Variants in SDC4 observed in about 807,000 individuals in gnomAD.
The protein encoded by SDC4 is syndecan-4.
SDC4 carries 17 observed loss-of-function variants against 20.5 expected under a neutral mutation model. The observed-to-expected ratio is 0.83, with a 90% CI of 0.57 to 1.25. The LOEUF is 1.25. Among genes scored for constraint, SDC4 ranks in the 50% most tolerant of loss-of-function variants. SDC4 has a pLI of 0.00. For synonymous variants in SDC4, 107 were observed against 105.3 expected, an observed-to-expected ratio of 1.02 and a Z score of -0.10; for missense variants, 241 against 252.3, an observed-to-expected ratio of 0.96 and a Z score of 0.30.
chr20:45,338,369 G>T (rs1047719713), intron 1 of SDC4, among the ~76,000 whole-genome samples: 1 of 147,612 alleles, frequency 6.8e-6, no homozygotes, highest in Non-Finnish European at 1.5e-5. Context: ...TTAAGTAGGG[G>T]GGTCAATCTA....
intron 1 of SDC4, among the ~76,000 whole-genome samples, chr20:45,342,981 T>A (rs959448499): frequency 1.3e-5 from 2 of 152,210 alleles, no homozygotes; most frequent in Admixed American, 6.5e-5. Context: ...AGGTGTTTTA[T>A]AGAGGACACT....
At chr20:45,328,701 G>C (rs1297978995) in intron 4 of SDC4, among the ~76,000 whole-genome samples, 2 of 152,018 alleles carry the variant, frequency 1.3e-5, no homozygotes, top group Admixed American at 1.3e-4. Flanking sequence ...GGTCTTACTC[G>C]GGCTAAGAAG....
At chr20:45,328,205 C>T (rs1222583145) in intron 4 of SDC4, among the ~76,000 whole-genome samples, 1 of 152,164 alleles carries the variant, frequency 6.6e-6, no homozygotes, top group Non-Finnish European at 1.5e-5. Context: ...ATACTAATTC[C>T]AAACTCTTAT....
At chr20:45,343,620 T>C (rs1360554275) in intron 1 of SDC4, among the ~76,000 whole-genome samples, 3 of 152,090 alleles carry the variant, frequency 2.0e-5, no homozygotes, top group African/African-American at 7.2e-5. Flanking sequence ...AAATAGGAGA[T>C]TTGGACTCCA....
chr20:45,331,716 T>C (rs892779996), intron 3 of SDC4, among the ~76,000 whole-genome samples: 5 of 152,250 alleles, frequency 3.3e-5, no homozygotes, highest in Non-Finnish European at 7.3e-5. Flanking sequence ...ATCAGTGCCA[T>C]GGCAATTTAC....
At chr20:45,329,129 T>C (rs1291817704) in intron 4 of SDC4, among the ~76,000 whole-genome samples, 2 of 152,236 alleles carry the variant, frequency 1.3e-5, no homozygotes, top group Non-Finnish European at 2.9e-5. Flanking sequence ...AAGCATTTAA[T>C]AAGGCTCCTG....
intron 1 of SDC4, among the ~76,000 whole-genome samples, chr20:45,342,798 T>C (rs1328222961): frequency 6.6e-6 from 1 of 152,072 alleles, no homozygotes; most frequent in African/African-American, 2.4e-5. Flanking sequence ...CTGAAAAGGA[T>C]AAAAAGGTCT....
intron 1 of SDC4, 78 bp downstream of exon 1, chr20:45,348,247 C>CAAA: frequency 8.5e-7 from 1 of 1,177,672 alleles, no homozygotes; most frequent in Non-Finnish European, 1.2e-6. Context: ...CCCCCCCCAT[C>CAAA]CCACGCTCCG....
rs2853897 is a variant in SDC4 at position 45,330,536 on chromosome 20, C to T, written c.275G>A (p.Arg92Lys). Reference sequence around the variant, plus strand: ...GGGGACTTGGCTCCCAGACCCTGCCCTCTCAGGGATATGGTTATCTAGAGG... The same window carrying T: ...GGGGACTTGGCTCCCAGACCCTGCCTTCTCAGGGATATGGTTATCTAGAGG... Reference protein sequence around the residue: ...LVPLDNHIPERAGSGSQVPTE... With the variant: ...LVPLDNHIPEKAGSGSQVPTE... The change falls in exon 4 of 5, where the codon AGG becomes AAG. Residue 92 changes from arginine (R) to lysine (K), a missense_variant. Coordinates refer to ENST00000372733, the MANE Select transcript of SDC4 (RefSeq NM_002999.4). The T allele has an allele frequency of 6.2e-7, 1 of 1,614,136 alleles. No homozygotes were observed.
intron 2 of SDC4, among the ~76,000 whole-genome samples, chr20:45,334,849 G>A (rs6130811): frequency 6.6e-6 from 1 of 151,976 alleles, no homozygotes; most frequent in South Asian, 2.1e-4. Context: ...GGTGCCAAAA[G>A]CTTTAAGTCA....
At chr20:45,348,243 CCAT>C in intron 1 of SDC4, 79 bp downstream of exon 1, 9 of 1,223,142 alleles carry the variant, frequency 7.4e-6, no homozygotes, top group Non-Finnish European at 9.4e-6. Flanking sequence ...CTGCCCCCCC[CCAT>C]CCCACGCTCC....
chr20:45,336,337 C>T (rs1050290384), intron 1 of SDC4, among the ~76,000 whole-genome samples: 10 of 152,058 alleles, frequency 6.6e-5, no homozygotes, highest in Admixed American at 3.3e-4. Context: ...TGCTTGAACC[C>T]GGGAGGCGGA....
intron 4 of SDC4, among the ~76,000 whole-genome samples, chr20:45,329,772 C>CAT (rs11473359): frequency 0.26 from 39,512 of 152,108 alleles, 5,355 homozygotes; most frequent in East Asian, 0.4. Flanking sequence ...CATTCCTCAC[C>CAT]GCACATTCCA....
chr20:45,336,549 G>A (rs569980507), intron 1 of SDC4, among the ~76,000 whole-genome samples: 126 of 152,244 alleles, frequency 8.3e-4, no homozygotes, highest in African/African-American at 2.9e-3. Flanking sequence ...TTTTACAGCC[G>A]AGGGAGTCAT....
Position 45,343,991 on chromosome 20 carries a change from A to G in SDC4, c.60+4334T>C, listed in dbSNP as rs745846356. ...CGCACGTCTGGAGTTAAGTCTGTGT[A>G]ACACCAAGCCAATGTTTCAATGCCC... On this transcript the variant is annotated intron_variant, in intron 1 of 4. Transcript: ENST00000372733. Among the ~76,000 whole-genome samples, 198 of 152,326 alleles carry G rather than the reference A, an allele frequency of 1.3e-3. 2 individuals are homozygous for G. The highest frequency in any genetic ancestry group is 3.4e-3 in the Middle Eastern group (1 of 294).
Position 45,330,550 on chromosome 20 carries a change from G to A in SDC4, c.261C>T (p.Asn87=), listed in dbSNP as rs774444482. The A allele has an allele frequency of 6.2e-7, 1 of 1,614,086 alleles. No individual in the cohort carries two copies. The highest frequency in any genetic ancestry group is 1.1e-5 in the South Asian group (1 of 91,066). The part of the protein sequence containing the change: ...EVVHPLVPLD[N]HIPERAGSGS... ...CAGACCCTGCCCTCTCAGGGATATG[G>A]TTATCTAGAGGCACCTGGATGGGCG... is the stretch of plus-strand genomic sequence containing the variant. The change falls in exon 4 of 5, where the codon AAC becomes AAT. Residue 87 remains asparagine (N), a synonymous_variant. Coordinates refer to ENST00000372733, the MANE Select transcript of SDC4 (RefSeq NM_002999.4).
chr20:45,341,195 G>A (rs1180605632), intron 1 of SDC4, among the ~76,000 whole-genome samples: 1 of 152,204 alleles, frequency 6.6e-6, no homozygotes, highest in Non-Finnish European at 1.5e-5. Context: ...CCTGGCCAGT[G>A]GGATCAGTGC....
intron 2 of SDC4, 103 bp from the exon 3 acceptor site, chr20:45,333,172 T>G: frequency 9.3e-7 from 1 of 1,074,328 alleles, no homozygotes. Context: ...AGCTTCCAAA[T>G]GCTCAATGTC....
At chr20:45,337,135 G>T (rs566267590) in intron 1 of SDC4, among the ~76,000 whole-genome samples, 1 of 152,198 alleles carries the variant, frequency 6.6e-6, no homozygotes, top group Non-Finnish European at 1.5e-5. Context: ...GCTCCACCGA[G>T]TGGGAACAAT....
Sources: gnomAD v4.1 joint callset for allele counts (sites outside exome capture counted in the v4.1 genomes callset) on GRCh38, gnomAD v4.1.1 for gene constraint, MANE v1.5 for transcripts, NCBI Gene and HGNC (gene_info 2026-07-23, HGNC 2026-07-21) for gene names.